The following PEBP4 variants were observed in gnomAD, a reference collection of about 807,000 sequenced individuals.
The protein encoded by PEBP4 is phosphatidylethanolamine-binding protein 4.
A neutral mutation model predicts 23.9 loss-of-function variants in PEBP4; 22 were observed. The ratio of observed to expected loss-of-function variants is 0.92; its 90% CI spans 0.66 to 1.31. PEBP4 has a LOEUF of 1.31. Among genes scored for constraint, PEBP4 ranks in the 40% most tolerant of loss-of-function variants. PEBP4 has a pLI of 0.00. For synonymous variants in PEBP4, 112 were observed against 99.3 expected (o/e 1.13, Z -0.76); for missense variants, 324 against 281.7 (o/e 1.15, Z -1.07).
chr8:22,910,185 C>T (rs1808909634), intron 3 of PEBP4, among the ~76,000 whole-genome samples: 1 of 152,232 alleles, frequency 6.6e-6, no homozygotes, highest in South Asian at 2.1e-4. Flanking sequence ...ACCTGCCTGA[C>T]CCACCTCCCA....
chr8:22,730,133 G>A (rs1385755187), intron 4 of PEBP4, among the ~76,000 whole-genome samples: 1 of 152,144 alleles, frequency 6.6e-6, no homozygotes, highest in African/African-American at 2.4e-5. Flanking sequence ...TCAGTTCTAT[G>A]GGAGGCATCA....
At chr8:22,802,904 T>C (rs1806417304) in intron 4 of PEBP4, among the ~76,000 whole-genome samples, 1 of 152,112 alleles carries the variant, frequency 6.6e-6, no homozygotes, top group South Asian at 2.1e-4. Context: ...CCTGTTTCTG[T>C]TTGTAGGTGG....
chr8:22,713,678 G>T, intron 6 of PEBP4, 142 bp from the exon 7 acceptor site: 1 of 1,181,776 alleles, frequency 8.5e-7, no homozygotes, highest in Non-Finnish European at 1.2e-6. Flanking sequence ...GGCTGGGGGA[G>T]CTTCCGGCTC....
chr8:22,902,413 A>G (rs7010641), intron 3 of PEBP4, among the ~76,000 whole-genome samples: 4,812 of 152,290 alleles, frequency 0.032, 264 homozygotes, highest in African/African-American at 0.11. Context: ...AATGGACCAC[A>G]CCAAGTTCCC....
chr8:22,777,719 C>T (rs1041500690), intron 4 of PEBP4, among the ~76,000 whole-genome samples: 1 of 152,174 alleles, frequency 6.6e-6, no homozygotes, highest in Non-Finnish European at 1.5e-5. Flanking sequence ...TCCAAGCCCC[C>T]AGCCTTCCTC....
intron 2 of PEBP4, among the ~76,000 whole-genome samples, chr8:22,926,501 T>C (rs1809337675): frequency 6.6e-6 from 1 of 152,112 alleles, no homozygotes; most frequent in Non-Finnish European, 1.5e-5. Context: ...TGCATCAGCA[T>C]GCTTGGCTAG....
At chr8:22,835,210 C>T (rs1353517450) in intron 3 of PEBP4, among the ~76,000 whole-genome samples, 2 of 152,214 alleles carry the variant, frequency 1.3e-5, no homozygotes, top group Non-Finnish European at 1.5e-5. Context: ...TAATACCTGT[C>T]TCACACAGCA....
intron 3 of PEBP4, among the ~76,000 whole-genome samples, chr8:22,826,632 T>C (rs147927845): frequency 1.5e-4 from 23 of 152,154 alleles, no homozygotes; most frequent in East Asian, 9.6e-4. Flanking sequence ...AGGATAACTT[T>C]AGTGTAAAAA....
rs777506423 is a variant in PEBP4, at chr8:22,713,407, G to T, written c.647C>A (p.Pro216His). Residue 216 changes from proline to histidine, a missense_variant, in exon 7 of 7, where the codon CCC (proline) becomes CAC (histidine). Coordinates refer to ENST00000256404, the MANE Select transcript of PEBP4 (RefSeq NM_144962.3). ...LQAPRERASE[P>H]KHKNQAEIAA... ...TATCTCCGCCTGGTTTTTGTGCTTG[G>T]GCTCGCTGGCCCTTTCTCTGGGAGC... is the stretch of plus-strand genomic sequence containing the variant. The T allele has an allele frequency of 6.2e-7, 1 of 1,608,294 alleles. No homozygotes were observed. The highest frequency in any genetic ancestry group is 2.2e-5 in the East Asian group (1 of 44,818).
intron 4 of PEBP4, among the ~76,000 whole-genome samples, chr8:22,729,572 T>TG (rs1465873935): frequency 6.6e-6 from 1 of 152,212 alleles, no homozygotes; most frequent in Admixed American, 6.5e-5. Flanking sequence ...CCTTTCACTC[T>TG]GGGGAGCTTT....
At chr8:22,722,165 C>T (rs1233639287) in intron 6 of PEBP4, among the ~76,000 whole-genome samples, 2 of 146,626 alleles carry the variant, frequency 1.4e-5, no homozygotes, top group African/African-American at 2.6e-5. Flanking sequence ...TTTCCCCTTC[C>T]CCTCCATTTT....
At chr8:22,884,033 C>A (rs968135523) in intron 3 of PEBP4, 3 of 152,110 alleles carry the variant, frequency 2.0e-5, no homozygotes, top group Admixed American at 6.6e-5. Flanking sequence ...AGAAGGGAAC[C>A]AGGGAAGGGG....
intron 3 of PEBP4, chr8:22,885,529 C>G (rs1174814560): frequency 6.6e-6 from 1 of 152,198 alleles, no homozygotes; most frequent in Non-Finnish European, 1.5e-5. Flanking sequence ...TGTGAGTCCT[C>G]CGAGTATGTG....
intron 3 of PEBP4, among the ~76,000 whole-genome samples, chr8:22,819,516 A>G (rs1315220864): frequency 6.6e-6 from 1 of 152,228 alleles, no homozygotes; most frequent in South Asian, 2.1e-4. Context: ...AGATGATCAT[A>G]AAAAGGGAAA....
In PEBP4 at chr8:22,833,705, T is replaced by C. The variant is rs148869956; in HGVS notation, c.259-15970A>G. On this transcript the variant is annotated intron_variant, in intron 3 of 6. Coordinates refer to ENST00000256404, the MANE Select transcript of PEBP4 (RefSeq NM_144962.3). ...GACCTGGCTAGGTTAAGCTTCACGA[T>C]CGTGATTAGTGGAGAGCCATTTTCT... Among the ~76,000 whole-genome samples the C allele has an allele frequency of 4.8e-4, 73 of 152,276 alleles. No individual in the cohort carries two copies. In the East Asian group the frequency reaches 0.011, roughly 23 times the overall value.
chr8:22,776,855 G>A (rs2055823), intron 4 of PEBP4, among the ~76,000 whole-genome samples: 54,523 of 149,688 alleles, frequency 0.36, 11,907 homozygotes, highest in Non-Finnish European at 0.47. Flanking sequence ...CTGAAGTGAA[G>A]CCTGCGGAGC....
intron 4 of PEBP4, among the ~76,000 whole-genome samples, chr8:22,753,104 A>G (rs137942056): frequency 6.6e-6 from 1 of 152,340 alleles, no homozygotes; most frequent in East Asian, 1.9e-4. Context: ...TTCAGCGCAC[A>G]TTGATCGAGT....
In PEBP4 at chr8:22,898,707, G is replaced by T. The variant is rs1323906917; in HGVS notation, c.258+21477C>A. Among the ~76,000 whole-genome samples, 3 of 152,154 alleles carry T rather than the reference G, an allele frequency of 2.0e-5. No individual in the cohort carries two copies. The East Asian group carries it at 5.8e-4, about 29-fold the overall frequency. On this transcript the variant is annotated intron_variant, in intron 3 of 6. Coordinates refer to ENST00000256404, the MANE Select transcript of PEBP4 (RefSeq NM_144962.3). Reference sequence around the variant, plus strand: ...CTCTTTGTCCCTTTCTTTATCCTCTGGAGTTAGTAAGTCCTTCTCGATGAC... The same window carrying T: ...CTCTTTGTCCCTTTCTTTATCCTCTTGAGTTAGTAAGTCCTTCTCGATGAC...
At chr8:22,911,119 C>G (rs190281929) in intron 3 of PEBP4, among the ~76,000 whole-genome samples, 89 of 152,236 alleles carry the variant, frequency 5.8e-4, no homozygotes, top group African/African-American at 2.1e-3. Flanking sequence ...AACATAAAGT[C>G]TATTAAAAAT....
Sources: allele counts gnomAD v4.1 joint callset (sites outside exome capture counted in the v4.1 genomes callset), GRCh38; gene constraint gnomAD v4.1.1; transcripts MANE v1.5; gene names NCBI Gene and HGNC (gene_info 2026-07-23, HGNC 2026-07-21).